Variants in RAB38 observed in about 807,000 individuals in gnomAD.
RAB38 encodes the protein ras-related protein Rab-38.
RAB38 carries 15 observed loss-of-function variants against 18.4 expected under a neutral mutation model. The ratio of observed to expected loss-of-function variants is 0.82; its 90% CI spans 0.55 to 1.26. The LOEUF (loss-of-function observed/expected upper bound fraction) is 1.26, where lower values mean the gene tolerates loss of function less well. Among genes scored for constraint, RAB38 ranks in the 50% most tolerant of loss-of-function variants. RAB38 has a pLI of 0.00. For synonymous variants in RAB38, 101 were observed against 104.4 expected (o/e 0.97, Z 0.20); for missense variants, 294 against 267.4 (o/e 1.10, Z -0.69).
At chr11:87,846,013 A>G in the RAB38 span, among the ~76,000 whole-genome samples, 1 of 152,244 alleles carries the variant, frequency 6.6e-6, no homozygotes, top group African/African-American at 2.4e-5. Context: ...GATATTTACT[A>G]TAGGAACGAT....
the RAB38 span, among the ~76,000 whole-genome samples, chr11:88,041,676 T>C: frequency 2.6e-5 from 4 of 152,192 alleles, no homozygotes; most frequent in African/African-American, 9.7e-5. Flanking sequence ...GAGAAAAATT[T>C]TAATTACTTA....
chr11:88,160,598 G>T (rs2134843934), intron 1 of RAB38, among the ~76,000 whole-genome samples: 1 of 152,150 alleles, frequency 6.6e-6, no homozygotes, highest in South Asian at 2.1e-4. Context: ...CATCAATGGT[G>T]CACTTGTTAA....
chr11:87,809,167 A>G, the RAB38 span, among the ~76,000 whole-genome samples: 1 of 152,206 alleles, frequency 6.6e-6, no homozygotes, highest in African/African-American at 2.4e-5. Flanking sequence ...TTTAAAGAAA[A>G]ACATTGCCAG....
At chr11:87,949,838 G>C in the RAB38 span, among the ~76,000 whole-genome samples, 1 of 152,114 alleles carries the variant, frequency 6.6e-6, no homozygotes, top group African/African-American at 2.4e-5. Flanking sequence ...AGTAGGTGTG[G>C]TGTGGTGCTG....
chr11:88,006,426 G>GTATATATT, the RAB38 span, among the ~76,000 whole-genome samples: 1 of 151,146 alleles, frequency 6.6e-6, no homozygotes, highest in Non-Finnish European at 1.5e-5. Context: ...TTACATTTGG[G>GTATATATT]TATATATTCA....
the RAB38 span, among the ~76,000 whole-genome samples, chr11:87,957,015 C>T: frequency 4.6e-5 from 7 of 151,546 alleles, no homozygotes; most frequent in Admixed American, 1.3e-4. Context: ...CATTTCCGAA[C>T]GCTCTCATGT....
chr11:88,131,028 TAATAA>T (rs1243692407), intron 2 of RAB38, among the ~76,000 whole-genome samples: 5 of 152,094 alleles, frequency 3.3e-5, no homozygotes, highest in African/African-American at 7.2e-5. Context: ...GAGTAAGCCT[TAATAA>T]AATAATCTTA....
chr11:87,826,673 A>G, the RAB38 span, among the ~76,000 whole-genome samples: 2 of 152,314 alleles, frequency 1.3e-5, no homozygotes, highest in Non-Finnish European at 2.9e-5. Context: ...TTAAATTTCC[A>G]TTATAAATCT....
chr11:87,976,296 A>G, the RAB38 span, among the ~76,000 whole-genome samples: 1 of 144,158 alleles, frequency 6.9e-6, no homozygotes, highest in Non-Finnish European at 1.5e-5. Context: ...ATATACATAC[A>G]CACATATATA....
the RAB38 span, among the ~76,000 whole-genome samples, chr11:87,928,759 T>A: frequency 1.6e-4 from 25 of 152,004 alleles, no homozygotes; most frequent in Non-Finnish European, 3.1e-4. Context: ...TTTCTTAATA[T>A]GAAAATAAAA....
At chr11:88,115,073 T>C (rs1174838977) in intron 2 of RAB38, among the ~76,000 whole-genome samples, 1 of 152,252 alleles carries the variant, frequency 6.6e-6, no homozygotes, top group Non-Finnish European at 1.5e-5. Flanking sequence ...TAGTATAAGT[T>C]AAACTGCTTT....
chr11:88,005,642 G>C, the RAB38 span, among the ~76,000 whole-genome samples: 1 of 150,394 alleles, frequency 6.6e-6, no homozygotes, highest in South Asian at 2.1e-4. Flanking sequence ...TCTTGCCCAT[G>C]CTTTTGTGGT....
chr11:88,161,668 A>G (rs1244521504), intron 1 of RAB38, among the ~76,000 whole-genome samples: 1 of 152,110 alleles, frequency 6.6e-6, no homozygotes, highest in Non-Finnish European at 1.5e-5. Context: ...GTATTTGTGA[A>G]TTAGTGCTGC....
chr11:87,904,137 C>A, the RAB38 span, among the ~76,000 whole-genome samples: 14 of 151,268 alleles, frequency 9.3e-5, no homozygotes, highest in Non-Finnish European at 1.9e-4. Context: ...GTACACATGC[C>A]AGTTTGTTAT....
chr11:87,938,636 TTTGTTG>T, the RAB38 span, among the ~76,000 whole-genome samples: 2,312 of 128,520 alleles, frequency 0.018, 49 homozygotes, highest in African/African-American at 0.067. Context: ...TTTTTTTGAT[TTTGTTG>T]TTGTTGTTGT....
the RAB38 span, among the ~76,000 whole-genome samples, chr11:87,978,142 T>A: frequency 9.3e-6 from 1 of 107,032 alleles, no homozygotes; most frequent in East Asian, 2.8e-4. Flanking sequence ...TATATATACA[T>A]TATATATAAA....
At chr11:87,953,325 G>C in the RAB38 span, among the ~76,000 whole-genome samples, 1 of 152,172 alleles carries the variant, frequency 6.6e-6, no homozygotes, top group Non-Finnish European at 1.5e-5. Context: ...ATAGGTGCTA[G>C]AGAGTGATGG....
chr11:87,937,879 T>G, the RAB38 span, among the ~76,000 whole-genome samples: 6 of 147,184 alleles, frequency 4.1e-5, no homozygotes, highest in Admixed American at 1.4e-4. Flanking sequence ...TGTTTTTTTT[T>G]TTTTTTTTTT....
At chr11:88,100,919 T>C in the RAB38 span, among the ~76,000 whole-genome samples, 2 of 151,956 alleles carry the variant, frequency 1.3e-5, no homozygotes, top group Non-Finnish European at 2.9e-5. Context: ...ATAGTACTTC[T>C]CCCCAACTGC....
Sources: allele counts gnomAD v4.1 joint callset (sites outside exome capture counted in the v4.1 genomes callset), GRCh38; gene constraint gnomAD v4.1.1; transcripts MANE v1.5; gene names NCBI Gene and HGNC (gene_info 2026-07-23, HGNC 2026-07-21).